The following MAF variants were observed in gnomAD, a reference collection of about 807,000 sequenced individuals.
MAF encodes transcription factor Maf.
In MAF, 10 loss-of-function variants were observed where a neutral mutation model predicts 22.0. That is an observed-to-expected ratio of 0.45 (90% CI 0.28 to 0.77). The LOEUF (loss-of-function observed/expected upper bound fraction) is 0.77, where lower values mean the gene tolerates loss of function less well. Among genes scored for constraint, MAF ranks in the 30% least tolerant of loss-of-function variants. The pLI is 0.12. For missense variants in MAF, 544 were observed against 548.4 expected, an observed-to-expected ratio of 0.99 and a Z score of 0.08; for synonymous variants, 337 against 255.8, an observed-to-expected ratio of 1.32 and a Z score of -3.03.
Position 79,599,284 on chromosome 16 carries a change from CCGCGCTGCCCGCGGCGCCGGG to C in MAF, c.598_618del (p.Pro200_Ala206del), listed in dbSNP as rs1913826306. 6 of 979,204 alleles carry C rather than the reference CCGCGCTGCCCGCGGCGCCGGG, an allele frequency of 6.1e-6. No homozygotes were observed. The highest frequency in any genetic ancestry group is 7.2e-6 in the Non-Finnish European group (6 of 827,706). 60.7% of individuals were successfully genotyped at this position (979,204 alleles called of 1,614,324 possible). ...CCCCCAGCGCCACCGGCCGAGGCGG[CCGCGCTGCCCGCGGCGCCGGG>C]CGCGCCGGCCGTCGGGTGGTGGTGG... On this transcript the variant is annotated inframe_deletion, in exon 1 of 2. Transcript: ENST00000326043.
the MAF span, among the ~76,000 whole-genome samples, chr16:79,365,532 G>T: frequency 6.6e-6 from 1 of 152,074 alleles, no homozygotes; most frequent in African/African-American, 2.4e-5. Context: ...GTGATGAGGG[G>T]CCCTAGCTCT....
chr16:79,550,643 C>G, the MAF span, among the ~76,000 whole-genome samples: 1 of 152,116 alleles, frequency 6.6e-6, no homozygotes, highest in South Asian at 2.1e-4. Flanking sequence ...GGAGGTAGAG[C>G]CTCATGATAT....
the MAF span, among the ~76,000 whole-genome samples, chr16:79,570,547 C>G: frequency 1.3e-5 from 2 of 152,144 alleles, no homozygotes; most frequent in South Asian, 2.1e-4. Context: ...CTAGCAATAG[C>G]AGATATACAT....
the MAF span, among the ~76,000 whole-genome samples, chr16:79,339,682 G>C: frequency 2.0e-5 from 3 of 152,060 alleles, no homozygotes; most frequent in East Asian, 1.9e-4. Flanking sequence ...TTCCTTGTTT[G>C]TTGTTAGTGT....
chr16:79,598,650 G>A (rs1913743545), intron 1 of MAF, 135 bp downstream of exon 1: 3 of 1,532,728 alleles, frequency 2.0e-6, no homozygotes, highest in South Asian at 2.4e-5. Context: ...GGGGGCCAAG[G>A]GGGCCAAACT....
At chr16:79,473,308 C>T in the MAF span, among the ~76,000 whole-genome samples, 51 of 152,278 alleles carry the variant, frequency 3.3e-4, no homozygotes, top group Non-Finnish European at 5.6e-4. Flanking sequence ...CCAAAATCCA[C>T]GGTGGCAACC....
At chr16:79,322,145 T>C in the MAF span, among the ~76,000 whole-genome samples, 1 of 152,082 alleles carries the variant, frequency 6.6e-6, no homozygotes, top group Non-Finnish European at 1.5e-5. Flanking sequence ...GGTAGGAGAA[T>C]TGCTTTAATC....
downstream of MAF, among the ~76,000 whole-genome samples, chr16:79,583,592 C>G (rs939831388): frequency 6.6e-6 from 1 of 152,204 alleles, no homozygotes; most frequent in Non-Finnish European, 1.5e-5. Flanking sequence ...CATGAGCACG[C>G]TAAGGTCCAT....
At chr16:79,278,181 A>G in the MAF span, among the ~76,000 whole-genome samples, 10 of 152,228 alleles carry the variant, frequency 6.6e-5, no homozygotes, top group Non-Finnish European at 1.3e-4. Flanking sequence ...GTTCAGAGAC[A>G]GTCTCGGGAA....
intron 1 of MAF, chr16:79,596,196 T>C: frequency 1.9e-6 from 2 of 1,060,944 alleles, no homozygotes; most frequent in African/African-American, 3.3e-5. Context: ...TTCCACTGTT[T>C]TGTTTTGTTT....
chr16:79,394,088 C>A, the MAF span, among the ~76,000 whole-genome samples: 2 of 152,136 alleles, frequency 1.3e-5, no homozygotes, highest in Non-Finnish European at 2.9e-5. Context: ...CGTTCTTCAC[C>A]GTCATTCTCT....
At chr16:79,483,602 A>G in the MAF span, among the ~76,000 whole-genome samples, 4 of 152,084 alleles carry the variant, frequency 2.6e-5, no homozygotes, top group South Asian at 2.1e-4. Flanking sequence ...GTGACAATTG[A>G]GAATGAGAAT....
At chr16:79,259,973 T>G in the MAF span, among the ~76,000 whole-genome samples, 1 of 152,080 alleles carries the variant, frequency 6.6e-6, no homozygotes, top group African/African-American at 2.4e-5. Context: ...GGCAGGGAAG[T>G]GTGACACAGC....
chr16:79,399,004 T>C, the MAF span, among the ~76,000 whole-genome samples: 1 of 152,150 alleles, frequency 6.6e-6, no homozygotes, highest in African/African-American at 2.4e-5. Flanking sequence ...CGGGAGAGAT[T>C]AATCTGCCTC....
chr16:79,575,195 A>G, the MAF span, among the ~76,000 whole-genome samples: 5 of 152,188 alleles, frequency 3.3e-5, no homozygotes, highest in Middle Eastern at 3.4e-3. Context: ...AAAGGGGTGC[A>G]CATGAATCTC....
the MAF span, among the ~76,000 whole-genome samples, chr16:79,469,762 A>G: frequency 4.6e-5 from 7 of 151,820 alleles, no homozygotes; most frequent in Admixed American, 4.6e-4. Flanking sequence ...TTGTCTGGCT[A>G]ATTTTTGTAT....
the MAF span, among the ~76,000 whole-genome samples, chr16:79,423,088 T>C: frequency 1.6e-4 from 24 of 152,092 alleles, no homozygotes; most frequent in African/African-American, 5.8e-4. Context: ...TAAGATAGGG[T>C]TGCCAAGTAA....
the MAF span, among the ~76,000 whole-genome samples, chr16:79,240,380 A>G: frequency 1.3e-5 from 2 of 150,690 alleles, no homozygotes; most frequent in African/African-American, 4.9e-5. Flanking sequence ...CCCAAGCCCT[A>G]CAACACTTCA....
chr16:79,233,062 G>C, the MAF span, among the ~76,000 whole-genome samples: 2 of 151,682 alleles, frequency 1.3e-5, no homozygotes, highest in African/African-American at 2.4e-5. Flanking sequence ...GGATGGTCTC[G>C]ATCTCCTGAC....
Sources: gnomAD v4.1 joint callset for allele counts (sites outside exome capture counted in the v4.1 genomes callset) on GRCh38, gnomAD v4.1.1 for gene constraint, MANE v1.5 for transcripts, NCBI Gene and HGNC (gene_info 2026-07-23, HGNC 2026-07-21) for gene names.